The following RBMS3 variants were observed in gnomAD, a reference collection of about 807,000 sequenced individuals.
RBMS3 encodes RNA-binding motif, single-stranded-interacting protein 3.
A neutral mutation model predicts 66.8 loss-of-function variants in RBMS3; 27 were observed. That is an observed-to-expected ratio of 0.40 (90% confidence interval 0.30 to 0.56). The LOEUF is 0.56. Ranked by LOEUF, RBMS3 falls within the 20% of genes least tolerant of loss-of-function variation. The pLI is 0.40. For synonymous variants in RBMS3, 188 were observed against 183.0 expected, an observed-to-expected ratio of 1.03 and a Z score of -0.22; for missense variants, 513 against 549.5, an observed-to-expected ratio of 0.93 and a Z score of 0.66.
chr3:29,358,654 G>T (rs1020881106), intron 1 of RBMS3, among the ~76,000 whole-genome samples: 3 of 152,114 alleles, frequency 2.0e-5, no homozygotes, highest in Non-Finnish European at 2.9e-5. Flanking sequence ...CCATTTTCAT[G>T]ATATTGATTC....
chr3:29,447,035 C>A (rs1278427967), intron 2 of RBMS3, among the ~76,000 whole-genome samples: 1 of 150,130 alleles, frequency 6.7e-6, no homozygotes, highest in East Asian at 2.0e-4. Flanking sequence ...GCCTCAGTCT[C>A]CTGAGTAGCT....
intron 3 of RBMS3, among the ~76,000 whole-genome samples, chr3:29,514,340 G>T (rs2044527905): frequency 6.6e-6 from 1 of 151,996 alleles, no homozygotes; most frequent in Non-Finnish European, 1.5e-5. Context: ...CTTCCTTAGA[G>T]GTAGTCGCTC....
rs561630195 is a variant in RBMS3 at position 29,348,540 on chromosome 3, T to C, written c.75+66784T>C. Among the ~76,000 whole-genome samples the C allele has an allele frequency of 2.7e-5, 4 of 150,256 alleles. No homozygotes were observed. In the South Asian group the frequency reaches 8.4e-4, roughly 32 times the overall value. On this transcript the variant is annotated intron_variant, in intron 1 of 14. Coordinates refer to ENST00000383767, the MANE Select transcript of RBMS3 (RefSeq NM_001003793.3). ...CATATTTGTGGTAGACTTAAGGCCGTGAGAAATTTTCACTCTTGACTTCTC... is the reference window on the plus strand; with the variant it reads ...CATATTTGTGGTAGACTTAAGGCCGCGAGAAATTTTCACTCTTGACTTCTC...
chr3:29,961,885 A>G (rs1165645569), intron 12 of RBMS3, among the ~76,000 whole-genome samples: 3 of 151,308 alleles, frequency 2.0e-5, no homozygotes, highest in African/African-American at 7.3e-5. Flanking sequence ...AGGGAGTTAA[A>G]CTGACAGTAG....
rs538157367 is a variant in RBMS3, at chr3:29,688,348, T to G, written c.400-51372T>G. Among the ~76,000 whole-genome samples, 6 of 152,146 alleles carry G rather than the reference T, an allele frequency of 3.9e-5. No homozygotes were observed. In the East Asian group the frequency reaches 1.2e-3, roughly 30 times the overall value. On this transcript the variant is annotated intron_variant, in intron 4 of 14. Transcript: ENST00000383767. ...GTTGAAGAGCTTAATGCACTCTTGTTAATAGTTATTTTGTCAGTTTAGAAG... is the reference window on the plus strand; with the variant it reads ...GTTGAAGAGCTTAATGCACTCTTGTGAATAGTTATTTTGTCAGTTTAGAAG...
intron 1 of RBMS3, among the ~76,000 whole-genome samples, chr3:29,429,473 A>T (rs528357567): frequency 6.6e-6 from 1 of 152,172 alleles, no homozygotes; most frequent in Admixed American, 6.5e-5. Flanking sequence ...ATGACTAAAC[A>T]TCTAAGAAAA....
At chr3:29,552,224 A>G (rs1038778019) in intron 3 of RBMS3, among the ~76,000 whole-genome samples, 2 of 152,176 alleles carry the variant, frequency 1.3e-5, no homozygotes, top group African/African-American at 4.8e-5. Flanking sequence ...AAGAAAACAT[A>G]TTTCAGGACT....
chr3:29,576,797 C>T (rs1347413785), intron 3 of RBMS3, among the ~76,000 whole-genome samples: 1 of 152,184 alleles, frequency 6.6e-6, no homozygotes, highest in Admixed American at 6.5e-5. Flanking sequence ...CAGGCCACTG[C>T]CCATGTTCCC....
At chr3:29,311,234 G>A (rs971828008) in intron 1 of RBMS3, among the ~76,000 whole-genome samples, 5 of 151,834 alleles carry the variant, frequency 3.3e-5, no homozygotes, top group East Asian at 3.9e-4. Context: ...TATTATCTCC[G>A]GAGAGCTCTG....
chr3:29,448,393 TTTTGTTTGAGCAGAAAGGGA>T (rs2041906382), intron 2 of RBMS3, among the ~76,000 whole-genome samples: 1 of 152,220 alleles, frequency 6.6e-6, no homozygotes, highest in South Asian at 2.1e-4. Context: ...GTCACAGTCA[TTTTGTTTGAGCAGAAAGGGA>T]TTTGCTGTCG....
At chr3:29,825,306 G>A (rs982878807) in intron 6 of RBMS3, among the ~76,000 whole-genome samples, 11 of 151,940 alleles carry the variant, frequency 7.2e-5, no homozygotes, top group African/African-American at 2.7e-4. Context: ...CAATGTGCTG[G>A]GATTACAGGT....
intron 6 of RBMS3, among the ~76,000 whole-genome samples, chr3:29,793,940 T>A (rs957453651): frequency 6.6e-6 from 1 of 152,188 alleles, no homozygotes; most frequent in African/African-American, 2.4e-5. Context: ...ATAAATGAGT[T>A]CTCACTCTAA....
chr3:29,695,663 G>A (rs1397310271), intron 4 of RBMS3, among the ~76,000 whole-genome samples: 1 of 152,160 alleles, frequency 6.6e-6, no homozygotes, highest in East Asian at 1.9e-4. Flanking sequence ...AACTCTCAGA[G>A]TAGTAATTAC....
chr3:29,837,274 CTT>C (rs1032531154), intron 6 of RBMS3, among the ~76,000 whole-genome samples: 2 of 151,816 alleles, frequency 1.3e-5, no homozygotes, highest in Non-Finnish European at 2.9e-5. Flanking sequence ...TTTTTAAACT[CTT>C]TATATTGTTG....
intron 14 of RBMS3, among the ~76,000 whole-genome samples, chr3:29,993,043 G>T (rs991463699): frequency 6.6e-6 from 1 of 152,134 alleles, no homozygotes; most frequent in African/African-American, 2.4e-5. Context: ...ATTCATCAAA[G>T]CAGTAAACTC....
intron 4 of RBMS3, among the ~76,000 whole-genome samples, chr3:29,653,806 T>C (rs929705167): frequency 2.0e-5 from 3 of 152,204 alleles, no homozygotes; most frequent in African/African-American, 7.2e-5. Flanking sequence ...CTGCTTTTCC[T>C]AATTTTGCCG....
chr3:29,388,588 T>A (rs1225572815), intron 1 of RBMS3, among the ~76,000 whole-genome samples: 1 of 152,316 alleles, frequency 6.6e-6, no homozygotes, highest in Middle Eastern at 3.4e-3. Flanking sequence ...TTTTTTTTCT[T>A]TTTTGAGGCA....
rs756359641 is a variant in RBMS3, at chr3:29,337,843, A to T, written c.75+56087A>T. 2.0e-5 allele frequency among the ~76,000 whole-genome samples: 3 copies of T among 152,202 alleles called. No individual in the cohort carries two copies. The East Asian group carries it at 5.8e-4, about 29-fold the overall frequency. The stretch of plus-strand genomic sequence containing the variant: ...GTTTCCAGTAAAACAGTTAGGGGAC[A>T]TGTTTGATAAGCCTGATCTTTCTAA... On this transcript the variant is annotated intron_variant, in intron 1 of 14. Coordinates refer to ENST00000383767, the MANE Select transcript of RBMS3 (RefSeq NM_001003793.3).
intron 8 of RBMS3, among the ~76,000 whole-genome samples, 181 bp from the exon 9 acceptor site, chr3:29,897,198 G>A (rs901704510): frequency 2.0e-5 from 3 of 151,556 alleles, no homozygotes; most frequent in East Asian, 2.0e-4. Flanking sequence ...CATTTCATTC[G>A]GAGCTACTTA....
Sources: gnomAD v4.1 joint callset for allele counts (sites outside exome capture counted in the v4.1 genomes callset) on GRCh38, gnomAD v4.1.1 for gene constraint, MANE v1.5 for transcripts, NCBI Gene and HGNC (gene_info 2026-07-23, HGNC 2026-07-21) for gene names.